The following RANBP17 variants were observed in gnomAD, a reference collection of about 807,000 sequenced individuals.
RANBP17 encodes the protein ran-binding protein 17.
Under a neutral mutation model 141.2 loss-of-function variants are expected in RANBP17, and 158 were observed. The observed-to-expected ratio is 1.12, with a 90% CI of 0.98 to 1.28. The LOEUF (loss-of-function observed/expected upper bound fraction) is 1.28. Among genes scored for constraint, RANBP17 ranks in the 50% most tolerant of loss-of-function variants. The pLI, the probability that RANBP17 is intolerant of heterozygous loss-of-function variation, is 0.00. For synonymous variants in RANBP17, 430 were observed against 450.0 expected, an observed-to-expected ratio of 0.96 and a Z score of 0.56; for missense variants, 1,438 against 1,290.7, an observed-to-expected ratio of 1.11 and a Z score of -1.75.
At chr5:170,942,678 T>A (rs535347433) in intron 12 of RANBP17, among the ~76,000 whole-genome samples, 1 of 152,342 alleles carries the variant, frequency 6.6e-6, no homozygotes, top group South Asian at 2.1e-4. Context: ...TGGAGGTAGA[T>A]GTGACAGTAT....
chr5:170,996,257 A>G (rs903575365), intron 14 of RANBP17, among the ~76,000 whole-genome samples: 4 of 152,148 alleles, frequency 2.6e-5, no homozygotes, highest in Non-Finnish European at 2.9e-5. Context: ...TTTTTTCCCT[A>G]AAAAGCAAGG....
At chr5:170,999,069 G>T (rs1367644644) in intron 14 of RANBP17, among the ~76,000 whole-genome samples, 1 of 152,080 alleles carries the variant, frequency 6.6e-6, no homozygotes, top group African/African-American at 2.4e-5. Context: ...CATATTGCTA[G>T]TATTGGAGAG....
intron 14 of RANBP17, among the ~76,000 whole-genome samples, chr5:171,159,933 A>G (rs972286112): frequency 1.7e-4 from 25 of 150,940 alleles, no homozygotes; most frequent in Non-Finnish European, 2.2e-4. Flanking sequence ...AAAAAAAAAA[A>G]AAAAAAAAGA....
chr5:171,059,350 A>G (rs1036603897), intron 14 of RANBP17, among the ~76,000 whole-genome samples: 1 of 152,218 alleles, frequency 6.6e-6, no homozygotes, highest in Non-Finnish European at 1.5e-5. Context: ...TTAAGGTATA[A>G]GGAAGGGATC....
At chr5:171,195,767 G>C (rs1761945222) in intron 18 of RANBP17, among the ~76,000 whole-genome samples, 2 of 152,176 alleles carry the variant, frequency 1.3e-5, no homozygotes, top group South Asian at 4.1e-4. Context: ...CCAGCTGGAG[G>C]ATGTTGGGCA....
intron 20 of RANBP17, among the ~76,000 whole-genome samples, chr5:171,209,069 C>T (rs1332560796): frequency 6.6e-6 from 1 of 152,202 alleles, no homozygotes; most frequent in South Asian, 2.1e-4. Flanking sequence ...GTGCTAAGAA[C>T]CATAACAAAG....
At chr5:171,165,632 G>A (rs1486106255) in intron 14 of RANBP17, among the ~76,000 whole-genome samples, 1 of 152,074 alleles carries the variant, frequency 6.6e-6, no homozygotes, top group African/African-American at 2.4e-5. Context: ...AGTTTATCAC[G>A]ACAGTGTTCT....
intron 3 of RANBP17, among the ~76,000 whole-genome samples, chr5:170,884,033 T>C (rs1768946339): frequency 6.6e-6 from 1 of 152,206 alleles, no homozygotes; most frequent in Non-Finnish European, 1.5e-5. Flanking sequence ...CACCACACTG[T>C]CTTTCAAGGT....
intron 22 of RANBP17, among the ~76,000 whole-genome samples, chr5:171,235,322 CTTTT>C (rs554291422): frequency 1.5e-5 from 2 of 132,450 alleles, no homozygotes; most frequent in African/African-American, 2.8e-5. Flanking sequence ...TTGCATGTGT[CTTTT>C]TTTTTTTTTT....
chr5:171,189,944 TAAA>T (rs1379654082), intron 18 of RANBP17, among the ~76,000 whole-genome samples: 1 of 150,562 alleles, frequency 6.6e-6, no homozygotes, highest in African/African-American at 2.4e-5. Flanking sequence ...ATGAAAAAAA[TAAA>T]AACATTAGAT....
intron 21 of RANBP17, among the ~76,000 whole-genome samples, chr5:171,216,557 C>T (rs1297817439): frequency 6.6e-6 from 1 of 152,090 alleles, no homozygotes; most frequent in Non-Finnish European, 1.5e-5. Flanking sequence ...AAATGTTTTT[C>T]CATTTGTTTG....
intron 14 of RANBP17, among the ~76,000 whole-genome samples, chr5:171,094,649 A>G (rs923324874): frequency 1.3e-5 from 2 of 152,188 alleles, no homozygotes; most frequent in African/African-American, 2.4e-5. Flanking sequence ...CTTGTCTTCT[A>G]ACATTACTTC....
chr5:170,900,325 G>T (rs1770521258), intron 5 of RANBP17, among the ~76,000 whole-genome samples: 1 of 152,082 alleles, frequency 6.6e-6, no homozygotes, highest in South Asian at 2.1e-4. Context: ...ATTCTCTGAT[G>T]GTAGTTTGTA....
intron 14 of RANBP17, among the ~76,000 whole-genome samples, chr5:171,043,378 A>G (rs1287501121): frequency 6.6e-6 from 1 of 152,042 alleles, no homozygotes; most frequent in Admixed American, 6.6e-5. Context: ...AAGAAGCCAG[A>G]TGTTCCAATG....
At chr5:171,145,287 A>G (rs1192994699) in intron 14 of RANBP17, among the ~76,000 whole-genome samples, 1 of 152,140 alleles carries the variant, frequency 6.6e-6, no homozygotes, top group Non-Finnish European at 1.5e-5. Context: ...TCCAGACTCA[A>G]TCAGAATTCT....
At chr5:171,149,208 C>T (rs1402647006) in intron 14 of RANBP17, among the ~76,000 whole-genome samples, 1 of 152,204 alleles carries the variant, frequency 6.6e-6, no homozygotes, top group Non-Finnish European at 1.5e-5. Context: ...GCATCCCTAA[C>T]CTCTTTTGGA....
Position 170,957,864 on chromosome 5 carries a change from A to G in RANBP17, c.1574+4162A>G, listed in dbSNP as rs543892536. Among the ~76,000 whole-genome samples the G allele has an allele frequency of 8.5e-5, 13 of 152,322 alleles. No individual in the cohort carries two copies. The South Asian group carries it at 2.7e-3, about 32-fold the overall frequency. On this transcript the variant is annotated intron_variant, in intron 13 of 27. Transcript: ENST00000523189. The stretch of plus-strand genomic sequence containing the variant: ...TATTTGAAAAAGCCTCTCTAAACAG[A>G]AATACACATGAAACAAGATTGCAAT...
intron 14 of RANBP17, among the ~76,000 whole-genome samples, chr5:171,057,184 G>A (rs1047453525): frequency 6.6e-6 from 1 of 151,982 alleles, no homozygotes; most frequent in African/African-American, 2.4e-5. Context: ...TTCAATTTAT[G>A]GAAAAACTGA....
In RANBP17 at chr5:171,131,709, C is replaced by A. The variant is rs531714093; in HGVS notation, c.1711-38421C>A. Among the ~76,000 whole-genome samples the A allele has an allele frequency of 1.1e-3, 166 of 152,300 alleles. 1 individual carries two copies. The highest frequency in any genetic ancestry group is 3.8e-3 in the African/African-American group (156 of 41,576). On this transcript the variant is annotated intron_variant, in intron 14 of 27. Coordinates refer to ENST00000523189, the MANE Select transcript of RANBP17 (RefSeq NM_022897.5). ...TTCTGACAGCTATAGTGCAGAGATTCCCAGGGTAGCTGATCATGGCATTAG... is the reference window on the plus strand; with the variant it reads ...TTCTGACAGCTATAGTGCAGAGATTACCAGGGTAGCTGATCATGGCATTAG...
Sources: allele counts gnomAD v4.1 joint callset (sites outside exome capture counted in the v4.1 genomes callset), GRCh38; gene constraint gnomAD v4.1.1; transcripts MANE v1.5; gene names NCBI Gene and HGNC (gene_info 2026-07-23, HGNC 2026-07-21).